DPRX: variants seen among roughly 807,000 people sequenced by gnomAD.
The protein encoded by DPRX is divergent paired-related homeobox.
A neutral mutation model predicts 8.4 loss-of-function variants in DPRX; 11 were observed. The observed-to-expected ratio is 1.31, with a 90% CI of 0.82 to 2.17. DPRX has a LOEUF of 2.17. Among genes scored for constraint, DPRX ranks in the 30% most tolerant of loss-of-function variants. DPRX has a pLI of 0.00. For synonymous variants in DPRX, 72 were observed against 87.0 expected (o/e 0.83, Z 0.96); for missense variants, 211 against 236.7 (o/e 0.89, Z 0.71).
At chr19:53,608,181 A>AAAG in the DPRX span, 1 of 149,612 alleles carries the variant, frequency 6.7e-6, no homozygotes, top group Non-Finnish European at 1.5e-5. Context: ...AAAAAAAAAA[A>AAAG]GTAAATAAAT....
intron 2 of DPRX, among the ~76,000 whole-genome samples, chr19:53,635,821 CA>C (rs1208236971): frequency 6.6e-6 from 1 of 152,154 alleles, no homozygotes; most frequent in African/African-American, 2.4e-5. Flanking sequence ...GATACAAAGA[CA>C]GGGGGTGGTC....
the DPRX span, among the ~76,000 whole-genome samples, chr19:53,611,597 G>A: frequency 1.3e-5 from 2 of 151,682 alleles, no homozygotes; most frequent in African/African-American, 4.8e-5. Context: ...ACAGTTTATT[G>A]ACATAAAAAG....
the DPRX span, among the ~76,000 whole-genome samples, chr19:53,618,615 TA>T: frequency 0.32 from 32,369 of 102,532 alleles, 4,390 homozygotes; most frequent in East Asian, 0.41. Context: ...ACCCCATCTC[TA>T]AAAAAAAAAA....
At chr19:53,603,589 G>A in the DPRX span, 2 of 341,506 alleles carry the variant, frequency 5.9e-6, no homozygotes, top group African/African-American at 4.3e-5. Context: ...CCAGGTCCCT[G>A]TTCATCCAAC....
chr19:53,614,551 GA>G, the DPRX span, among the ~76,000 whole-genome samples: 9 of 149,118 alleles, frequency 6.0e-5, no homozygotes, highest in African/African-American at 9.9e-5. Context: ...GTTTGAAAAA[GA>G]AAAAAAAAAT....
the DPRX span, among the ~76,000 whole-genome samples, chr19:53,626,149 G>T: frequency 6.6e-6 from 1 of 152,104 alleles, no homozygotes; most frequent in Admixed American, 6.6e-5. Context: ...TGTTGCCCAG[G>T]CTGGTCACAA....
At chr19:53,632,480 T>A (rs1038106147) in intron 1 of DPRX, among the ~76,000 whole-genome samples, 1 of 141,446 alleles carries the variant, frequency 7.1e-6, no homozygotes, top group African/African-American at 2.6e-5. Context: ...TTTTTTTTTT[T>A]TGTATTTTTA....
At chr19:53,604,759 C>T in the DPRX span, among the ~76,000 whole-genome samples, 66 of 150,880 alleles carry the variant, frequency 4.4e-4, no homozygotes, top group African/African-American at 1.4e-3. Context: ...AGGAGAATCG[C>T]GTGGACCTGG....
chr19:53,625,296 T>TC, the DPRX span, among the ~76,000 whole-genome samples: 4 of 151,938 alleles, frequency 2.6e-5, no homozygotes, highest in African/African-American at 9.7e-5. Context: ...CAAGCGATCC[T>TC]CCCGCCTCGG....
the DPRX span, among the ~76,000 whole-genome samples, chr19:53,623,084 T>TGGA: frequency 6.6e-6 from 1 of 150,426 alleles, no homozygotes; most frequent in Non-Finnish European, 1.5e-5. Context: ...GGCGGGCGGA[T>TGGA]CACGAGGTCA....
At chr19:53,630,790 C>T (rs1024902782), upstream of DPRX, among the ~76,000 whole-genome samples, 1 of 151,920 alleles carries the variant, frequency 6.6e-6, no homozygotes, top group Non-Finnish European at 1.5e-5. Flanking sequence ...CTGCCCTTGT[C>T]GTCAAGATAA....
At chr19:53,635,624 AC>A (rs2091109085) in intron 2 of DPRX, among the ~76,000 whole-genome samples, 2 of 151,774 alleles carry the variant, frequency 1.3e-5, no homozygotes, top group African/African-American at 2.4e-5. Flanking sequence ...CAAGTGATCC[AC>A]CCACCTCAGC....
chr19:53,609,917 G>A, the DPRX span, among the ~76,000 whole-genome samples: 2 of 151,804 alleles, frequency 1.3e-5, no homozygotes, highest in Non-Finnish European at 2.9e-5. Context: ...CCCGGGAGGT[G>A]GAGGTTGTGG....
At chr19:53,623,418 C>A in the DPRX span, among the ~76,000 whole-genome samples, 14 of 149,208 alleles carry the variant, frequency 9.4e-5, no homozygotes, top group African/African-American at 3.5e-4. Flanking sequence ...GAGGGCGGAT[C>A]ACCTGAGGTT....
chr19:53,625,014 C>T, the DPRX span, among the ~76,000 whole-genome samples: 1 of 150,292 alleles, frequency 6.7e-6, no homozygotes, highest in African/African-American at 2.4e-5. Flanking sequence ...ACTAACTAGT[C>T]AGTCATTCCC....
the DPRX span, chr19:53,601,365 A>G: frequency 2.2e-6 from 1 of 456,622 alleles, no homozygotes; most frequent in Non-Finnish European, 4.4e-6. Flanking sequence ...AACAGGCAAC[A>G]GGGGGACCTG....
At chr19:53,634,563 A>C in exon 2 of DPRX, 1 of 1,613,928 alleles carries the variant, frequency 6.2e-7, no homozygotes, top group Non-Finnish European at 8.5e-7. Context: ...CAGGAAACGA[A>C]CCATGTTCAC....
At chr19:53,630,668 A>G (rs1242430843), upstream of DPRX, among the ~76,000 whole-genome samples, 2 of 151,966 alleles carry the variant, frequency 1.3e-5, no homozygotes, top group Non-Finnish European at 2.9e-5. Flanking sequence ...AAGTAGCTAC[A>G]AGCTCATTTA....
chr19:53,620,727 T>C, the DPRX span, among the ~76,000 whole-genome samples: 15 of 151,614 alleles, frequency 9.9e-5, no homozygotes, highest in African/African-American at 3.6e-4. Context: ...CTCACTCTGT[T>C]GCCCAGGCTG....
Sources: allele counts gnomAD v4.1 joint callset (sites outside exome capture counted in the v4.1 genomes callset), GRCh38; gene constraint gnomAD v4.1.1; transcripts MANE v1.5; gene names NCBI Gene and HGNC (gene_info 2026-07-23, HGNC 2026-07-21).